The following HERC2 variants were observed in gnomAD, a reference collection of about 807,000 sequenced individuals.
HERC2 encodes the protein HECT and RLD domain containing E3 ubiquitin protein ligase 2, also known as E3 ubiquitin-protein ligase HERC2.
HERC2 carries 102 observed loss-of-function variants against 537.7 expected under a neutral mutation model. That is an observed-to-expected ratio of 0.19 (90% CI 0.16 to 0.22). HERC2 has a LOEUF of 0.22. HERC2 is among the 10% of genes least tolerant of loss of function. The probability of loss-of-function intolerance (pLI) is 1.00; values close to 1 mark genes in which losing one functional copy is unlikely to be tolerated. For missense variants in HERC2, 4,236 were observed against 6,198.2 expected (o/e 0.68, Z 10.63); for synonymous variants, 2,224 against 2,466.2 (o/e 0.90, Z 2.91).
In HERC2 at chr15:28,286,755, A is replaced by T. The variant is rs537558778; in HGVS notation, c.322+6133T>A. 5.3e-5 allele frequency among the ~76,000 whole-genome samples: 8 copies of T among 152,314 alleles called. No individual in the cohort carries two copies. The East Asian group carries it at 1.3e-3, about 26-fold the overall frequency. On this transcript the variant is annotated intron_variant, in intron 4 of 92. Coordinates refer to ENST00000261609, the MANE Select transcript of HERC2 (RefSeq NM_004667.6). Reference sequence around the variant, plus strand: ...AGTTACTAAGAGTTTACTCCCCTAAAAGATTACAACACCCAATGGCCAGCA... The same window carrying T: ...AGTTACTAAGAGTTTACTCCCCTAATAGATTACAACACCCAATGGCCAGCA...
chr15:28,209,236 G>T (rs1433191001), intron 44 of HERC2, among the ~76,000 whole-genome samples: 1 of 152,054 alleles, frequency 6.6e-6, no homozygotes, highest in Non-Finnish European at 1.5e-5. Flanking sequence ...TGCATCCAAA[G>T]ATTCAACAAA....
chr15:28,206,750 A>G (rs1037566659), intron 44 of HERC2, among the ~76,000 whole-genome samples: 3 of 146,436 alleles, frequency 2.0e-5, no homozygotes, highest in Non-Finnish European at 3.0e-5. Context: ...GGAGAATGGC[A>G]TGAACCTGGG....
chr15:28,163,406 G>T, intron 68 of HERC2, 121 bp from the exon 69 acceptor site: 14 of 800,602 alleles, frequency 1.7e-5, no homozygotes, highest in Non-Finnish European at 5.8e-6. Context: ...ACCTGAAGGT[G>T]TTTAAGACCT....
At chr15:28,137,950 G>A (rs10163174) in intron 78 of HERC2, among the ~76,000 whole-genome samples, 6,529 of 152,306 alleles carry the variant, frequency 0.043, 439 homozygotes, top group African/African-American at 0.15. Flanking sequence ...CACAAATGAT[G>A]AGAATGCAAA....
chr15:28,152,756 G>A lies in HERC2; in HGVS notation c.10821C>T (p.Leu3607=), dbSNP rs1251248068. Reference sequence around the variant, plus strand: ...TCTCCACCACCACAGGCTGAGAAGAGAGGCGGCCGCTCTGCGAGTCTGTGG... The same window carrying A: ...TCTCCACCACCACAGGCTGAGAAGAAAGGCGGCCGCTCTGCGAGTCTGTGG... The part of the protein sequence containing the change: ...DVATDSQSGR[L]SSQPVVVESS... Residue 3607 remains leucine (L), a synonymous_variant, in exon 70 of 93, where the codon CTC becomes CTT. Transcript: ENST00000261609. 1.3e-6 allele frequency: 2 copies of A among 1,552,454 alleles called. No individual in the cohort carries two copies. Among genetic ancestry groups the A allele is most frequent in the Non-Finnish European group, 1.7e-6 (2 of 1,147,462 alleles).
At chr15:28,126,998 C>T (rs951946019) in intron 83 of HERC2, among the ~76,000 whole-genome samples, 6 of 152,178 alleles carry the variant, frequency 3.9e-5, no homozygotes, top group Non-Finnish European at 8.8e-5. Flanking sequence ...GAAATACCAC[C>T]GGAAAATATT....
intron 4 of HERC2, among the ~76,000 whole-genome samples, chr15:28,283,997 CATTT>C (rs2076089495): frequency 6.6e-6 from 1 of 152,080 alleles, no homozygotes; most frequent in African/African-American, 2.4e-5. Context: ...TAAATACATT[CATTT>C]ATGTTTTATA....
At position 28,237,221 on chromosome 15, in the gene HERC2, G is replaced by A. The variant is rs1157256016; in HGVS notation, c.3853-108C>T. 5.3e-6 allele frequency: 5 copies of A among 939,856 alleles called. No homozygotes were observed. The African/African-American group carries it at 6.5e-5, about 12-fold the overall frequency. 58.2% of individuals were successfully genotyped at this position (939,856 alleles called of 1,614,324 possible). A position where few individuals can be genotyped will look rare whatever the true frequency, so the allele number is the denominator to read the frequency against. On this transcript the variant is annotated intron_variant, in intron 25 of 92. Coordinates refer to ENST00000261609, the MANE Select transcript of HERC2 (RefSeq NM_004667.6). ...GCTGTAACCGCACGTGAGCCCAGGGGTGCTCTGGGCATTCTGCCCCTCCAT... is the reference window on the plus strand; with the variant it reads ...GCTGTAACCGCACGTGAGCCCAGGGATGCTCTGGGCATTCTGCCCCTCCAT...
At chr15:28,262,859 T>C in intron 15 of HERC2, 59 bp downstream of exon 15, 1 of 1,544,636 alleles carries the variant, frequency 6.5e-7, no homozygotes, top group Non-Finnish European at 8.8e-7. Context: ...CCTGCTAACT[T>C]TAAAACATTA....
chr15:28,199,447 T>A (rs1394530006), intron 48 of HERC2, among the ~76,000 whole-genome samples: 1 of 152,214 alleles, frequency 6.6e-6, no homozygotes, highest in Non-Finnish European at 1.5e-5. Context: ...TTTATACATA[T>A]CAGAACACCA....
chr15:28,151,614 GC>G (rs1026299835), intron 70 of HERC2, among the ~76,000 whole-genome samples: 1 of 152,074 alleles, frequency 6.6e-6, no homozygotes, highest in Non-Finnish European at 1.5e-5. Flanking sequence ...TGTGTAGACT[GC>G]CTGGACGCTA....
At chr15:28,126,557 G>A (rs1889508154) in intron 83 of HERC2, among the ~76,000 whole-genome samples, 1 of 152,172 alleles carries the variant, frequency 6.6e-6, no homozygotes, top group Non-Finnish European at 1.5e-5. Flanking sequence ...GCCATAAAAA[G>A]GAATGAAATG....
chr15:28,197,827 C>T (rs192054604), intron 50 of HERC2, among the ~76,000 whole-genome samples: 1 of 152,178 alleles, frequency 6.6e-6, no homozygotes, highest in African/African-American at 2.4e-5. Flanking sequence ...GACAAGTTTA[C>T]AGAACACGAA....
At chr15:28,278,935 T>C (rs929698145) in intron 5 of HERC2, among the ~76,000 whole-genome samples, 7 of 152,228 alleles carry the variant, frequency 4.6e-5, no homozygotes, top group African/African-American at 1.7e-4. Context: ...TGTTAGCAAA[T>C]AGTGGAAATC....
chr15:28,195,064 A>AAAAAAATT (rs1897225926), intron 52 of HERC2, among the ~76,000 whole-genome samples: 1 of 151,102 alleles, frequency 6.6e-6, no homozygotes, highest in African/African-American at 2.5e-5. Context: ...TCAAAAAAAA[A>AAAAAAATT]AAAAATTAAA....
At chr15:28,274,808 G>C (rs2075827762) in intron 6 of HERC2, 97 bp downstream of exon 6, 1 of 904,416 alleles carries the variant, frequency 1.1e-6, no homozygotes, top group Non-Finnish European at 1.8e-6. Context: ...GAGCACATGG[G>C]ATCAGCCAAA....
At chr15:28,143,048 C>A in intron 74 of HERC2, 96 bp from the exon 75 acceptor site, 4 of 1,085,202 alleles carry the variant, frequency 3.7e-6, no homozygotes, top group South Asian at 4.0e-5. Context: ...TATGTTGGTA[C>A]TAACTCTTCT....
At chr15:28,316,166 T>C (rs1413673372) in intron 2 of HERC2, 4 of 233,964 alleles carry the variant, frequency 1.7e-5, no homozygotes, top group Non-Finnish European at 3.3e-5. Flanking sequence ...GAGGTTGCAG[T>C]GAGCTGAGAT....
At chr15:28,270,309 T>C (rs1417768540) in intron 10 of HERC2, among the ~76,000 whole-genome samples, 5 of 150,938 alleles carry the variant, frequency 3.3e-5, no homozygotes, top group African/African-American at 9.7e-5. Flanking sequence ...TAATATATAA[T>C]ATATAACATA....
Sources: gnomAD v4.1 joint callset for allele counts (sites outside exome capture counted in the v4.1 genomes callset) on GRCh38, gnomAD v4.1.1 for gene constraint, MANE v1.5 for transcripts, NCBI Gene and HGNC (gene_info 2026-07-23, HGNC 2026-07-21) for gene names.